TIAM1: variants seen among roughly 807,000 people sequenced by gnomAD.
TIAM1 encodes rho guanine nucleotide exchange factor TIAM1.
TIAM1 carries 65 observed loss-of-function variants against 163.5 expected under a neutral mutation model. That is an observed-to-expected ratio of 0.40 (90% CI 0.33 to 0.49). The LOEUF (loss-of-function observed/expected upper bound fraction) is 0.49, where lower values mean the gene tolerates loss of function less well. Among genes scored for constraint, TIAM1 ranks in the 20% least tolerant of loss-of-function variants. The pLI, the probability that TIAM1 is intolerant of heterozygous loss-of-function variation, is 0.77. For missense variants in TIAM1, 1,789 were observed against 2,044.7 expected (o/e 0.87, Z 2.41); for synonymous variants, 833 against 810.1 (o/e 1.03, Z -0.48).
intron 14 of TIAM1, among the ~76,000 whole-genome samples, chr21:31,185,380 C>CATAATTGTATATAATTATGCTAT (rs2085233989): frequency 7.0e-6 from 1 of 143,584 alleles, no homozygotes; most frequent in African/African-American, 2.6e-5. Flanking sequence ...AATTGCACAT[C>CATAATTGTATATAATTATGCTAT]ATAATTATAT....
At chr21:31,179,631 C>T (rs1480582745) in intron 15 of TIAM1, among the ~76,000 whole-genome samples, 4 of 151,120 alleles carry the variant, frequency 2.6e-5, no homozygotes, top group South Asian at 2.1e-4. Flanking sequence ...ATGGATTTAG[C>T]GCACAGCCTC....
chr21:31,351,772 T>TA (rs1490316620), intron 2 of TIAM1, among the ~76,000 whole-genome samples: 1 of 152,016 alleles, frequency 6.6e-6, no homozygotes, highest in Admixed American at 6.6e-5. Context: ...ACCAAGAAAT[T>TA]AAAGTTCATC....
Position 31,217,626 on chromosome 21 carries a change from C to G in TIAM1, c.2069G>C (p.Arg690Thr), listed in dbSNP as rs1412123441. 2.5e-6 allele frequency: 4 copies of G among 1,614,148 alleles called. No homozygotes were observed. In the South Asian group the frequency reaches 4.4e-5, roughly 18 times the overall value. Residue 690 changes from arginine to threonine, a missense_variant, in exon 9 of 28, where the codon AGG becomes ACG. Physicochemically the swap from Arg to Thr is moderately conservative, Grantham distance 71. This residue lies in a region of TIAM1 where 456 missense variants were observed against 586.6 expected (regional missense o/e 0.78). Transcript: ENST00000541036. ...ACCCCACAGAGAAGAAAACCTGCTC[C>G]TTCGCTTGCTCGCGGATCTGGACAT... ...QAMSRSASKRRSRFSSLWGLD... is the reference protein window; with the variant it reads ...QAMSRSASKRTSRFSSLWGLD...
In TIAM1 at chr21:31,181,756, CTTTTTTTTTTTTTTTTTTTTTTTTTTTT is replaced by C. The variant is rs781153297; in HGVS notation, c.2887+637_2887+664del. 8.3e-3 allele frequency among the ~76,000 whole-genome samples: 344 copies of C among 41,342 alleles called. 14 individuals carry two copies. The highest frequency in any genetic ancestry group is 0.013 in the African/African-American group (161 of 12,692). 27.1% of individuals were successfully genotyped at this position (41,342 alleles called of 152,430 possible). A position where few individuals can be genotyped will look rare whatever the true frequency, so the allele number is the denominator to read the frequency against. ...CCCAGCACTTCTTCTTCTTCTTCTTCTTTTTTTTTTTTTTTTTTTTTTTTTTTTTTTTTTTTTTTTTTTTTTTTTACGA... is the reference window on the plus strand; with the variant it reads ...CCCAGCACTTCTTCTTCTTCTTCTTCTTTTTTTTTTTTTTTTTTTTTACGA... On this transcript the variant is annotated intron_variant, in intron 15 of 27. Coordinates refer to ENST00000541036, the MANE Select transcript of TIAM1 (RefSeq NM_001353694.2).
intron 6 of TIAM1, among the ~76,000 whole-genome samples, chr21:31,227,226 G>A (rs943565471): frequency 6.6e-6 from 1 of 151,918 alleles, no homozygotes; most frequent in African/African-American, 2.4e-5. Flanking sequence ...CAAAGTGCTG[G>A]GATTACAGAT....
chr21:31,151,942 GATA>G (rs2083390928), intron 19 of TIAM1, among the ~76,000 whole-genome samples: 1 of 151,480 alleles, frequency 6.6e-6, no homozygotes, highest in Non-Finnish European at 1.5e-5. Context: ...CTTTCCCCTG[GATA>G]ATGATAAGCA....
intron 1 of TIAM1, among the ~76,000 whole-genome samples, chr21:31,537,930 T>C (rs182754767): frequency 2.0e-5 from 3 of 152,174 alleles, no homozygotes; most frequent in Non-Finnish European, 4.4e-5. Context: ...AAACAATGTT[T>C]TGGAAGTGAA....
Position 31,153,169 on chromosome 21 carries a change from G to C in TIAM1, c.3172-35C>G, listed in dbSNP as rs370886627. ...GAAAAGAGAACTCATTAGCTTATGT[G>C]TTTTATTTTTTATATACCCTAGAAC... is the stretch of plus-strand genomic sequence containing the variant. On this transcript the variant is annotated intron_variant, in intron 17 of 27. Coordinates refer to ENST00000541036, the MANE Select transcript of TIAM1 (RefSeq NM_001353694.2). 2.8e-5 allele frequency: 43 copies of C among 1,554,162 alleles called. No individual in the cohort carries two copies. The African/African-American group carries it at 5.9e-4, about 21-fold the overall frequency.
chr21:31,156,183 CATT>C (rs1321622233), intron 16 of TIAM1, among the ~76,000 whole-genome samples: 2 of 152,202 alleles, frequency 1.3e-5, no homozygotes, highest in Non-Finnish European at 2.9e-5. Context: ...AAGAAGGATG[CATT>C]AGCTGCAGTG....
At chr21:31,215,589 A>AAAAG (rs1555893145) in intron 9 of TIAM1, among the ~76,000 whole-genome samples, 2,623 of 147,530 alleles carry the variant, frequency 0.018, 91 homozygotes, top group African/African-American at 0.066. Flanking sequence ...AAAAAAAAAA[A>AAAAG]GAAGAGAAAT....
At chr21:31,290,977 C>T (rs1327226691) in intron 2 of TIAM1, among the ~76,000 whole-genome samples, 4 of 152,274 alleles carry the variant, frequency 2.6e-5, no homozygotes, top group South Asian at 2.1e-4. Context: ...CTAAATTCAG[C>T]TGTGCTTTTG....
chr21:31,389,499 G>A lies in TIAM1; in HGVS notation c.-368-50077C>T, dbSNP rs182658458. 5.4e-3 allele frequency among the ~76,000 whole-genome samples: 815 copies of A among 152,246 alleles called. 5 individuals are homozygous for A. The highest frequency in any genetic ancestry group is 0.019 in the African/African-American group (788 of 41,532). ...GCTAGGATTACAGGCGAGAGCCACC[G>A]CCCCCAGGCTTCCCAACCATTTAAA... On this transcript the variant is annotated intron_variant, in intron 2 of 28. Coordinates refer to the TIAM1 transcript ENST00000286827.
intron 2 of TIAM1, among the ~76,000 whole-genome samples, chr21:31,385,908 A>C (rs2076862707): frequency 6.8e-6 from 1 of 146,956 alleles, no homozygotes; most frequent in African/African-American, 2.5e-5. Flanking sequence ...AGTTAATATA[A>C]TTAATATATT....
intron 10 of TIAM1, 101 bp downstream of exon 10, chr21:31,213,296 AT>A (rs2086984334): frequency 2.0e-6 from 2 of 986,618 alleles, no homozygotes; most frequent in African/African-American, 3.4e-5. Flanking sequence ...AGTTTTTAAT[AT>A]TGAGTTTACT....
intron 2 of TIAM1, among the ~76,000 whole-genome samples, chr21:31,407,203 G>A (rs1419054561): frequency 6.6e-6 from 1 of 152,162 alleles, no homozygotes; most frequent in African/African-American, 2.4e-5. Flanking sequence ...TTTATAAAAC[G>A]ATTCCAAACC....
chr21:31,124,299 G>T, intron 27 of TIAM1: 1 of 460,642 alleles, frequency 2.2e-6, no homozygotes, highest in Non-Finnish European at 3.6e-6. Context: ...GCAAAGGGAA[G>T]GCTTGAGGGA....
At chr21:31,169,054 G>A (rs915631059) in intron 15 of TIAM1, among the ~76,000 whole-genome samples, 9 of 152,304 alleles carry the variant, frequency 5.9e-5, no homozygotes, top group Admixed American at 2.0e-4. Context: ...GCACTTTTGG[G>A]AGGCTGAGGC....
chr21:31,268,363 C>G (rs1601770372), intron 3 of TIAM1, among the ~76,000 whole-genome samples: 1 of 152,176 alleles, frequency 6.6e-6, no homozygotes, highest in Non-Finnish European at 1.5e-5. Context: ...GCAAAGAGAT[C>G]GAAAGAGCCT....
intron 1 of TIAM1, among the ~76,000 whole-genome samples, chr21:31,468,118 G>A (rs547139171): frequency 6.7e-6 from 1 of 149,940 alleles, no homozygotes; most frequent in South Asian, 2.1e-4. Context: ...TAAATAAAAC[G>A]ACACAGCTGC....
Sources: allele counts gnomAD v4.1 joint callset (sites outside exome capture counted in the v4.1 genomes callset), GRCh38; gene constraint gnomAD v4.1.1; regional missense constraint gnomAD v4.1.1; transcripts MANE v1.5; gene names NCBI Gene and HGNC (gene_info 2026-07-23, HGNC 2026-07-21).